TP63: variants seen among roughly 807,000 people sequenced by gnomAD.
The protein encoded by TP63 is tumor protein p63, also known as tumor protein 63.
TP63 carries 17 observed loss-of-function variants against 82.8 expected under a neutral mutation model. The observed-to-expected ratio is 0.21, with a 90% CI of 0.14 to 0.31. TP63 has a LOEUF of 0.31. Ranked by LOEUF, TP63 falls within the 10% of genes least tolerant of loss-of-function variation. The pLI is 1.00. For missense variants in TP63, 648 were observed against 895.3 expected, an observed-to-expected ratio of 0.72 and a Z score of 3.52; for synonymous variants, 330 against 321.7, an observed-to-expected ratio of 1.03 and a Z score of -0.28.
At chr3:189,854,004 C>G (rs1413836102) in intron 4 of TP63, among the ~76,000 whole-genome samples, 2 of 152,114 alleles carry the variant, frequency 1.3e-5, no homozygotes, top group African/African-American at 4.8e-5. Context: ...CAAGTACCAT[C>G]CTAGGCAGCA....
intron 3 of TP63, among the ~76,000 whole-genome samples, chr3:189,776,126 T>C (rs1723773642): frequency 6.6e-6 from 1 of 152,200 alleles, no homozygotes; most frequent in Non-Finnish European, 1.5e-5. Context: ...TTGCAAAACA[T>C]TGGGACACTT....
intron 1 of TP63, among the ~76,000 whole-genome samples, chr3:189,674,198 G>A (rs766195535): frequency 6.6e-6 from 1 of 152,048 alleles, no homozygotes; most frequent in Non-Finnish European, 1.5e-5. Flanking sequence ...CTCAAAAGTA[G>A]GTTAATATGA....
chr3:189,675,551 T>A (rs1577218889), intron 1 of TP63, among the ~76,000 whole-genome samples: 1 of 152,090 alleles, frequency 6.6e-6, no homozygotes, highest in East Asian at 1.9e-4. Context: ...ACATATAAAT[T>A]TAGAGGTCAT....
At chr3:189,770,520 G>T (rs921586428) in intron 3 of TP63, among the ~76,000 whole-genome samples, 1 of 151,230 alleles carries the variant, frequency 6.6e-6, no homozygotes, top group South Asian at 2.1e-4. Flanking sequence ...AGCCGAGATC[G>T]TTCCACTGCA....
chr3:189,751,422 T>C (rs1721815149), intron 3 of TP63, among the ~76,000 whole-genome samples: 1 of 152,178 alleles, frequency 6.6e-6, no homozygotes, highest in Admixed American at 6.5e-5. Context: ...TTGAACTAAT[T>C]TACACTCCTA....
intron 1 of TP63, among the ~76,000 whole-genome samples, chr3:189,667,243 C>T (rs1453542401): frequency 6.9e-6 from 1 of 144,524 alleles, no homozygotes; most frequent in African/African-American, 2.6e-5. Context: ...GGTGCAATCT[C>T]TACTCACTGC....
intron 1 of TP63, among the ~76,000 whole-genome samples, chr3:189,675,227 A>G (rs1715284849): frequency 6.6e-6 from 1 of 152,140 alleles, no homozygotes; most frequent in Admixed American, 6.6e-5. Flanking sequence ...TTCATAACTC[A>G]GTCATCTCCC....
At chr3:189,717,885 C>G (rs1187146926) in intron 1 of TP63, among the ~76,000 whole-genome samples, 1 of 152,052 alleles carries the variant, frequency 6.6e-6, no homozygotes, top group Non-Finnish European at 1.5e-5. Context: ...ATATTAAATG[C>G]AAGGGATAGA....
intron 1 of TP63, among the ~76,000 whole-genome samples, chr3:189,717,197 A>G (rs1171571832): frequency 6.6e-6 from 1 of 152,138 alleles, no homozygotes; most frequent in Non-Finnish European, 1.5e-5. Flanking sequence ...ACACACACAC[A>G]CAGTGTTTGC....
chr3:189,857,024 C>T (rs1371301405), intron 4 of TP63, among the ~76,000 whole-genome samples: 1 of 151,992 alleles, frequency 6.6e-6, no homozygotes, highest in Non-Finnish European at 1.5e-5. Flanking sequence ...TTGTAAACTG[C>T]ATGTAAATTT....
At position 189,677,443 on chromosome 3, in the gene TP63, T is replaced by TATAC. The variant is rs1553810241; in HGVS notation, c.62+45867_62+45868insTACA. 1.5e-4 allele frequency among the ~76,000 whole-genome samples: 22 copies of TATAC among 147,210 alleles called. No homozygotes were observed. The East Asian group carries it at 3.8e-3, about 25-fold the overall frequency. ...ACGTATACATATATACATATATATA[T>TATAC]ACACACATATATATACACATATATA... On this transcript the variant is annotated intron_variant, in intron 1 of 13. Transcript: ENST00000264731.
intron 4 of TP63, among the ~76,000 whole-genome samples, chr3:189,846,449 G>A (rs1418042740): frequency 6.6e-6 from 1 of 152,128 alleles, no homozygotes; most frequent in Non-Finnish European, 1.5e-5. Context: ...AGGAAATTTG[G>A]TTGAAGATCA....
upstream of TP63, among the ~76,000 whole-genome samples, chr3:189,629,142 C>G (rs549745324): frequency 5.9e-5 from 9 of 152,028 alleles, no homozygotes; most frequent in South Asian, 1.0e-3. Context: ...CTTTGGGAAG[C>G]CGGGTCGGGA....
intron 1 of TP63, among the ~76,000 whole-genome samples, chr3:189,722,541 G>T (rs1719469337): frequency 6.6e-6 from 1 of 152,158 alleles, no homozygotes; most frequent in Non-Finnish European, 1.5e-5. Context: ...CAAGATCCCA[G>T]CCAGTGAACG....
chr3:189,876,953 A>C (rs1719298999), intron 10 of TP63, among the ~76,000 whole-genome samples: 1 of 152,202 alleles, frequency 6.6e-6, no homozygotes. Context: ...AGTAGAGGGA[A>C]AATTAGTGGG....
At chr3:189,815,198 A>G (rs1243858227) in intron 4 of TP63, among the ~76,000 whole-genome samples, 2 of 151,032 alleles carry the variant, frequency 1.3e-5, no homozygotes, top group African/African-American at 4.9e-5. Flanking sequence ...TTTTTTTACT[A>G]TAGCTTCACT....
chr3:189,681,265 T>TGA (rs1715878640), intron 1 of TP63, among the ~76,000 whole-genome samples: 1 of 152,140 alleles, frequency 6.6e-6, no homozygotes, highest in Admixed American at 6.6e-5. Context: ...CCTGGTAATA[T>TGA]ATTTTCATAA....
chr3:189,682,536 G>GGA (rs1560107019), intron 1 of TP63, among the ~76,000 whole-genome samples: 2 of 19,190 alleles, frequency 1.0e-4, no homozygotes, highest in South Asian at 3.2e-3. Context: ...GTCCTAAGGG[G>GGA]AAAAAAAAAA....
chr3:189,866,707 G>T lies in TP63; in HGVS notation c.792G>T (p.Leu264Phe). The T allele has an allele frequency of 6.2e-7, 1 of 1,613,982 alleles. No homozygotes were observed. Among genetic ancestry groups the T allele is most frequent in the South Asian group, 1.1e-5 (1 of 91,060 alleles). The change falls in exon 6 of 14, where the codon TTG (leucine) becomes TTT (phenylalanine). Residue 264 changes from leucine to phenylalanine, a missense_variant. Leu to Phe is a conservative substitution (Grantham distance 22). This residue lies in a region of TP63 where 64 missense variants were observed against 144.2 expected (regional missense o/e 0.44). Transcript: ENST00000264731. The stretch of plus-strand genomic sequence containing the variant: ...GACAGATTGCCCCTCCTAGTCATTT[G>T]ATTCGAGTAGAGGGGAACAGCCATG... ...NEGQIAPPSH[L>F]IRVEGNSHAQ...
Sources: gnomAD v4.1 joint callset for allele counts (sites outside exome capture counted in the v4.1 genomes callset) on GRCh38, gnomAD v4.1.1 for gene constraint, gnomAD v4.1.1 regional missense constraint, MANE v1.5 for transcripts, NCBI Gene and HGNC (gene_info 2026-07-23, HGNC 2026-07-21) for gene names.